The following RORA variants were observed in gnomAD, a reference collection of about 807,000 sequenced individuals.
The protein encoded by RORA is nuclear receptor ROR-alpha.
RORA carries 7 observed loss-of-function variants against 69.5 expected under a neutral mutation model. The ratio of observed to expected loss-of-function variants is 0.10; its 90% CI spans 0.06 to 0.19. RORA has a LOEUF of 0.19. Ranked by LOEUF, RORA falls within the 10% of genes least tolerant of loss-of-function variation. RORA has a pLI of 1.00. For synonymous variants in RORA, 261 were observed against 240.8 expected, an observed-to-expected ratio of 1.08 and a Z score of -0.78; for missense variants, 457 against 663.0, an observed-to-expected ratio of 0.69 and a Z score of 3.41.
In RORA at chr15:61,189,856, C is replaced by CAAAAAAA. The variant is rs71125907; in HGVS notation, c.166+39190_166+39196dup. ...TGGGTGACAGAGCGAGACTCTGTCT[C>CAAAAAAA]AAAAAAAAAAAAAAAAAAAAAAAAA... On this transcript the variant is annotated intron_variant, in intron 1 of 10. Transcript: ENST00000335670. 3.3e-4 allele frequency among the ~76,000 whole-genome samples: 14 copies of CAAAAAAA among 42,892 alleles called. 5 individuals carry two copies. The highest frequency in any genetic ancestry group is 9.3e-4 in the East Asian group (1 of 1,070). The allele number at this position is 42,892 out of a possible 152,430, so 28.1% of individuals were successfully genotyped here. A position where few individuals can be genotyped will look rare whatever the true frequency, so the allele number is the denominator to read the frequency against.
chr15:61,107,894 A>G (rs1455294498), intron 1 of RORA, among the ~76,000 whole-genome samples: 3 of 152,160 alleles, frequency 2.0e-5, no homozygotes, highest in Non-Finnish European at 4.4e-5. Context: ...GACCAGATCA[A>G]AAACAAGCCA....
At chr15:60,562,906 T>C (rs560792881) in intron 2 of RORA, among the ~76,000 whole-genome samples, 1 of 152,342 alleles carries the variant, frequency 6.6e-6, no homozygotes, top group East Asian at 1.9e-4. Context: ...ATATAAATTC[T>C]TGGTAAACAA....
intron 1 of RORA, among the ~76,000 whole-genome samples, chr15:61,006,999 C>T (rs1165208073): frequency 1.3e-5 from 2 of 151,914 alleles, no homozygotes; most frequent in Non-Finnish European, 2.9e-5. Context: ...TCTGATAATG[C>T]ATTTGTGGTT....
chr15:61,193,973 T>C (rs1035431494), intron 1 of RORA: 2 of 152,206 alleles, frequency 1.3e-5, no homozygotes, highest in African/African-American at 2.4e-5. Context: ...TAATTTCCTA[T>C]AGCCCTGGGG....
At chr15:60,763,096 T>TTTTTAA (rs375632043) in intron 1 of RORA, among the ~76,000 whole-genome samples, 1 of 109,432 alleles carries the variant, frequency 9.1e-6, no homozygotes, top group Non-Finnish European at 1.9e-5. Flanking sequence ...TTTTTTTTTT[T>TTTTTAA]AACCAACCTA....
chr15:60,971,847 C>G (rs7178772), intron 1 of RORA, among the ~76,000 whole-genome samples: 4 of 151,852 alleles, frequency 2.6e-5, no homozygotes, highest in Non-Finnish European at 5.9e-5. Flanking sequence ...TCACATTGGG[C>G]CAGAGAGAGG....
intron 1 of RORA, among the ~76,000 whole-genome samples, chr15:60,884,747 A>C (rs921432321): frequency 2.0e-5 from 3 of 152,190 alleles, no homozygotes; most frequent in Non-Finnish European, 4.4e-5. Context: ...TCATCCTCCC[A>C]AAATTTTGAG....
rs146199112 is a variant in RORA at position 60,537,674 on chromosome 15, T to C, written c.197-5823A>G. On this transcript the variant is annotated intron_variant, in intron 2 of 10. Transcript: ENST00000335670. This position sits in a 1 kb window ranked among gnomAD's most constrained non-coding sequence, Gnocchi z 4.9. ...ATCAGGGATGAGTAGAGCCGAGTTA[T>C]AGCTGCATCCTATGCAAACTAACGA... 6.6e-6 allele frequency among the ~76,000 whole-genome samples: 1 copy of C among 152,362 alleles called. No homozygotes were observed. Among genetic ancestry groups the C allele is most frequent in the African/African-American group, 2.4e-5 (1 of 41,590 alleles).
intron 1 of RORA, among the ~76,000 whole-genome samples, chr15:60,823,061 CCCCT>C (rs2072913040): frequency 7.5e-6 from 1 of 134,082 alleles, no homozygotes; most frequent in South Asian, 2.9e-4. Flanking sequence ...TCCCTCCCCT[CCCCT>C]CCCTCCCTTC....
At chr15:60,578,082 T>A (rs146190664) in intron 2 of RORA, among the ~76,000 whole-genome samples, 58 of 152,356 alleles carry the variant, frequency 3.8e-4, no homozygotes, top group African/African-American at 1.3e-3. Context: ...CAAGTGGTAG[T>A]TTCTTAAAGA....
At chr15:60,547,969 C>CT (rs2067125307) in intron 2 of RORA, 1 of 152,236 alleles carries the variant, frequency 6.6e-6, no homozygotes, top group Non-Finnish European at 1.5e-5. Flanking sequence ...GGAGAAAACT[C>CT]TGAGTCTCAT....
At chr15:60,863,788 G>A (rs898412085) in intron 1 of RORA, among the ~76,000 whole-genome samples, 2 of 147,864 alleles carry the variant, frequency 1.4e-5, no homozygotes, top group African/African-American at 5.0e-5. Flanking sequence ...AGAAGATTAT[G>A]CATGCCAACT....
intron 1 of RORA, among the ~76,000 whole-genome samples, chr15:61,163,869 A>G (rs1013713504): frequency 6.6e-6 from 1 of 152,230 alleles, no homozygotes; most frequent in African/African-American, 2.4e-5. Flanking sequence ...TGTTGCCTGC[A>G]TGATCCACAT....
Position 60,780,707 on chromosome 15 carries a change from A to G in RORA, c.167-102021T>C, listed in dbSNP as rs143494637. On this transcript the variant is annotated intron_variant, in intron 1 of 10. Transcript: ENST00000335670. ...AACAAAACAAAAACCACACTTCTCC[A>G]TCTGCAATCCACATCCGTGTAGCCA... Among the ~76,000 whole-genome samples, 560 of 152,358 alleles carry G rather than the reference A, an allele frequency of 3.7e-3. 3 individuals carry two copies. The highest frequency in any genetic ancestry group is 0.013 in the African/African-American group (541 of 41,584).
chr15:60,604,353 G>A (rs529468706), intron 2 of RORA, among the ~76,000 whole-genome samples: 1 of 152,082 alleles, frequency 6.6e-6, no homozygotes, highest in Non-Finnish European at 1.5e-5. Flanking sequence ...ATAAATTTTA[G>A]TGAGTATGCA....
In RORA at chr15:61,061,734, C is replaced by T. The variant is rs1595934117; in HGVS notation, c.166+167319G>A. 6.6e-6 allele frequency among the ~76,000 whole-genome samples: 1 copy of T among 152,118 alleles called. No individual in the cohort carries two copies. The highest frequency in any genetic ancestry group is 1.5e-5 in the Non-Finnish European group (1 of 68,020). ...TCTAGAGACAGGGTGTTAAGCATCA[C>T]TGCATCACCACTTTGCATATAGGAA... On this transcript the variant is annotated intron_variant, in intron 1 of 10. Coordinates refer to ENST00000335670, the MANE Select transcript of RORA (RefSeq NM_134261.3). This position sits in a 1 kb window ranked among gnomAD's most constrained non-coding sequence, Gnocchi z 4.4.
At chr15:61,175,764 T>G (rs766372617) in intron 1 of RORA, among the ~76,000 whole-genome samples, 1 of 152,142 alleles carries the variant, frequency 6.6e-6, no homozygotes, top group Non-Finnish European at 1.5e-5. Context: ...ACCAAAGTTA[T>G]GTGTTTGCCC....
chr15:60,563,270 G>T (rs921324810), intron 2 of RORA, among the ~76,000 whole-genome samples: 1 of 152,160 alleles, frequency 6.6e-6, no homozygotes, highest in African/African-American at 2.4e-5. Context: ...CCAGACAACT[G>T]CTCAGCCTTT....
intron 1 of RORA, among the ~76,000 whole-genome samples, chr15:61,033,896 T>C (rs948456184): frequency 3.0e-3 from 67 of 22,316 alleles, no homozygotes; most frequent in East Asian, 9.7e-3. Flanking sequence ...AGTGAGACCA[T>C]GTCTCAAAAA....
Sources: allele counts gnomAD v4.1 joint callset (sites outside exome capture counted in the v4.1 genomes callset), GRCh38; gene constraint gnomAD v4.1.1; non-coding constraint Gnocchi (gnomAD v3.1); transcripts MANE v1.5; gene names NCBI Gene and HGNC (gene_info 2026-07-23, HGNC 2026-07-21).